The following VWA5A variants were observed in gnomAD, a reference collection of about 807,000 sequenced individuals.
VWA5A encodes the protein von Willebrand factor A domain-containing protein 5A.
VWA5A carries 77 observed loss-of-function variants against 84.6 expected under a neutral mutation model. That is an observed-to-expected ratio of 0.91 (90% CI 0.76 to 1.10). The LOEUF is 1.10. Among genes scored for constraint, VWA5A ranks in the 50% least tolerant of loss-of-function variants. VWA5A has a pLI of 0.00. For synonymous variants in VWA5A, 334 were observed against 350.1 expected, an observed-to-expected ratio of 0.95 and a Z score of 0.51; for missense variants, 973 against 963.0, an observed-to-expected ratio of 1.01 and a Z score of -0.14.
intron 8 of VWA5A, 90 bp downstream of exon 8, chr11:124,123,219 G>C: frequency 1.3e-6 from 2 of 1,537,006 alleles, no homozygotes; most frequent in Non-Finnish European, 1.7e-6. Context: ...GAGCCTGAGA[G>C]AGCAGCACGA....
chr11:124,118,770 C>T (rs1864883598), intron 6 of VWA5A, 62 bp downstream of exon 6: 1 of 1,553,350 alleles, frequency 6.4e-7, no homozygotes, highest in East Asian at 2.4e-5. Context: ...TGACTTGGTC[C>T]CCAACCAGTT....
chr11:124,137,329 A>G, intron 15 of VWA5A, 61 bp downstream of exon 15: 11 of 1,561,854 alleles, frequency 7.0e-6, no homozygotes, highest in East Asian at 2.3e-5. Context: ...ATCTGAGCAC[A>G]TTATTTAAAG....
rs1484014152 is a variant in VWA5A at position 124,137,267 on chromosome 11, A to G, written c.1878A>G (p.Ser626=). The change falls in exon 15 of 19, where the codon TCA becomes TCG. Residue 626 remains serine, a splice_region_variant and synonymous_variant. Coordinates refer to ENST00000456829, the MANE Select transcript of VWA5A (RefSeq NM_001130142.2). ...ASAPLKIKCQ[S]GFRKALHSDR... ...CCCCATTGAAGATAAAATGCCAATCAGGTAATGAGTTTTATTCCATTCAAA... is the reference window on the plus strand; with the variant it reads ...CCCCATTGAAGATAAAATGCCAATCGGGTAATGAGTTTTATTCCATTCAAA... 2.5e-6 allele frequency: 4 copies of G among 1,613,942 alleles called. No homozygotes were observed. Among genetic ancestry groups the G allele is most frequent in the Middle Eastern group, 1.7e-4 (1 of 6,052 alleles).
At chr11:124,143,608 T>A (rs1459321925) in intron 17 of VWA5A, among the ~76,000 whole-genome samples, 1 of 152,230 alleles carries the variant, frequency 6.6e-6, no homozygotes, top group Non-Finnish European at 1.5e-5. Flanking sequence ...ATGATGACTT[T>A]TTAATAGATT....
chr11:124,135,136 C>A (rs1350823418), intron 12 of VWA5A, 102 bp downstream of exon 12: 2 of 897,630 alleles, frequency 2.2e-6, no homozygotes, highest in Non-Finnish European at 3.4e-6. Flanking sequence ...AACTTTCCTC[C>A]AGGATACCTG....
At chr11:124,136,754 C>G in intron 14 of VWA5A, 80 bp downstream of exon 14, 3 of 445,972 alleles carry the variant, frequency 6.7e-6, no homozygotes, top group Non-Finnish European at 7.0e-6. Flanking sequence ...CCTTCATTCC[C>G]TCCCTCCCTC....
intron 13 of VWA5A, 93 bp downstream of exon 13, chr11:124,136,386 G>T: frequency 6.5e-7 from 1 of 1,529,356 alleles, no homozygotes. Context: ...CTCAGCCAGA[G>T]ACGGCACTTG....
At position 124,145,881 on chromosome 11, in the gene VWA5A, C is replaced by T. The variant is rs372417602; in HGVS notation, c.2297C>T (p.Ser766Leu). 1.6e-5 allele frequency: 26 copies of T among 1,583,112 alleles called. 1 individual carries two copies. Among genetic ancestry groups the T allele is most frequent in the African/African-American group, 6.7e-5 (5 of 74,328 alleles). Residue 766 changes from serine to leucine, a missense_variant, in exon 19 of 19, where the codon TCG becomes TTG. Physicochemically the swap from Ser to Leu is moderately radical, Grantham distance 145. Transcript: ENST00000456829. ...CTCACCACAGGCTCCACCATGCCTT[C>T]GGTTGTGAAAGCTGCTATTACTTTC... The part of the protein sequence containing the change: ...MRAHAGSTMP[S>L]VVKAAITFLK...
In VWA5A at chr11:124,145,280, G is replaced by T; in HGVS notation, c.2198G>T (p.Trp733Leu). ...SGWATILAVI[W>L]LHSNGKDLKC... is the part of the protein sequence containing the mutation. Reference sequence around the variant, plus strand: ...TGGGCCACCATCCTGGCCGTGATCTGGCTGCACAGCAATGGTAAGGACTTG... The same window carrying T: ...TGGGCCACCATCCTGGCCGTGATCTTGCTGCACAGCAATGGTAAGGACTTG... Residue 733 changes from tryptophan to leucine, a missense_variant, in exon 18 of 19, where the codon TGG (tryptophan) becomes TTG (leucine). Transcript: ENST00000456829. 2 of 1,613,842 alleles carry T rather than the reference G, an allele frequency of 1.2e-6. No individual in the cohort carries two copies. The highest frequency in any genetic ancestry group is 1.7e-6 in the Non-Finnish European group (2 of 1,179,842).
Position 124,137,241 on chromosome 11 carries a change from G to A in VWA5A, c.1852G>A (p.Ala618Thr), listed in dbSNP as rs1354547263. ...AAGGCCAATTCTGTTGGGTGCTTCT[G>A]CCCCATTGAAGATAAAATGCCAATC... ...VPRPILLGAS[A>T]PLKIKCQSGF... is the part of the protein sequence containing the mutation. Residue 618 changes from alanine (A) to threonine (T), a missense_variant, in exon 15 of 19, where the codon GCC (alanine) becomes ACC (threonine). Coordinates refer to ENST00000456829, the MANE Select transcript of VWA5A (RefSeq NM_001130142.2). 1.2e-5 allele frequency: 20 copies of A among 1,613,904 alleles called. No individual in the cohort carries two copies. Among genetic ancestry groups the A allele is most frequent in the African/African-American group, 2.7e-5 (2 of 74,858 alleles).
rs779202415 is a variant in VWA5A, at chr11:124,136,284, G to C, written c.1515G>C (p.Gly505=). 6.2e-7 allele frequency: 1 copy of C among 1,612,902 alleles called. No individual in the cohort carries two copies. Among genetic ancestry groups the C allele is most frequent in the South Asian group, 1.1e-5 (1 of 91,044 alleles). Residue 505 remains glycine, a synonymous_variant, in exon 13 of 19, where the codon GGG becomes GGC. Coordinates refer to ENST00000456829, the MANE Select transcript of VWA5A (RefSeq NM_001130142.2). ...TAATCAGCTATGCCCAGCTGACCGG[G>C]AGGATGCCAGTGAGTTCCCATTCTT... ...QRLISYAQLT[G]RMPAAETTGE... is the part of the protein sequence containing the mutation.
chr11:124,130,989 TTA>T (rs1258606866), intron 11 of VWA5A, among the ~76,000 whole-genome samples: 7 of 152,012 alleles, frequency 4.6e-5, no homozygotes, highest in African/African-American at 1.7e-4. Flanking sequence ...AATTCTGTAT[TTA>T]TGTCTTCTTT....
chr11:124,123,002 C>T lies in VWA5A; in HGVS notation c.803C>T (p.Pro268Leu). 6.2e-7 allele frequency: 1 copy of T among 1,614,018 alleles called. No individual in the cohort carries two copies. The change falls in exon 8 of 19, where the codon CCA becomes CTA. Residue 268 changes from proline (P) to leucine (L), a missense_variant. Coordinates refer to ENST00000456829, the MANE Select transcript of VWA5A (RefSeq NM_001130142.2). Reference sequence around the variant, plus strand: ...CCATCTGCAATGGTGAGTTTCTATCCAAATATCCCAGAAGATCAACCATCA... The same window carrying T: ...CCATCTGCAATGGTGAGTTTCTATCTAAATATCCCAGAAGATCAACCATCA... ...GDPSAMVSFY[P>L]NIPEDQPSNT...
intron 13 of VWA5A, 106 bp downstream of exon 13, chr11:124,136,399 A>G (rs2137656539): frequency 6.7e-7 from 1 of 1,496,302 alleles, no homozygotes; most frequent in Non-Finnish European, 9.1e-7. Context: ...GGCACTTGCC[A>G]AGTATAGCTA....
intron 11 of VWA5A, among the ~76,000 whole-genome samples, chr11:124,128,937 T>C (rs1238465904): frequency 6.6e-6 from 1 of 152,214 alleles, no homozygotes; most frequent in Admixed American, 6.5e-5. Flanking sequence ...CAGAGAGAAT[T>C]TGACTTCCTC....
At chr11:124,126,646 G>C (rs1241303162) in intron 11 of VWA5A, among the ~76,000 whole-genome samples, 2 of 151,968 alleles carry the variant, frequency 1.3e-5, no homozygotes, top group African/African-American at 4.8e-5. Flanking sequence ...TGTAATCCCA[G>C]CTATCAGGAG....
chr11:124,123,497 T>C (rs1180516424), intron 9 of VWA5A, 43 bp downstream of exon 9: 1 of 1,607,554 alleles, frequency 6.2e-7, no homozygotes, highest in Non-Finnish European at 8.5e-7. Flanking sequence ...AACGAGACTT[T>C]AAAGAAAGGG....
At chr11:124,145,103 T>G in intron 17 of VWA5A, 134 bp from the exon 18 acceptor site, 2 of 1,110,202 alleles carry the variant, frequency 1.8e-6, no homozygotes, top group Non-Finnish European at 2.5e-6. Context: ...GCAAGTAGTA[T>G]CTGGAGGTAA....
At chr11:124,141,513 G>T in intron 15 of VWA5A, 85 bp from the exon 16 acceptor site, 2 of 1,537,640 alleles carry the variant, frequency 1.3e-6, no homozygotes, top group South Asian at 2.5e-5. Context: ...TGTGGATGGG[G>T]GGGTATGTAT....
Sources: allele counts gnomAD v4.1 joint callset (sites outside exome capture counted in the v4.1 genomes callset), GRCh38; gene constraint gnomAD v4.1.1; transcripts MANE v1.5; gene names NCBI Gene and HGNC (gene_info 2026-07-23, HGNC 2026-07-21).